The following BFSP2 variants were observed in gnomAD, a reference collection of about 807,000 sequenced individuals.
BFSP2 encodes the protein beaded filament structural protein 2, also known as phakinin.
In BFSP2, 38 loss-of-function variants were observed where a neutral mutation model predicts 44.9. That is an observed-to-expected ratio of 0.85 (90% CI 0.65 to 1.11). The LOEUF is 1.11. Ranked by LOEUF, BFSP2 falls within the 50% of genes least tolerant of loss-of-function variation. The pLI is 0.00. For synonymous variants in BFSP2, 197 were observed against 209.9 expected, an observed-to-expected ratio of 0.94 and a Z score of 0.53; for missense variants, 525 against 533.0, an observed-to-expected ratio of 0.99 and a Z score of 0.15.
chr3:133,472,585 C>T lies in BFSP2; in HGVS notation c.1244+20C>T. 1 of 1,606,852 alleles carries T rather than the reference C, an allele frequency of 6.2e-7. No homozygotes were observed. Among genetic ancestry groups the T allele is most frequent in the East Asian group, 2.2e-5 (1 of 44,790 alleles). The stretch of plus-strand genomic sequence containing the variant: ...GAGCGGGTAAGCCTCGCTTCCGCGT[C>T]AATTATCCAAGAGATGCATATTCAT... On this transcript the variant is annotated intron_variant, in intron 6 of 6. Coordinates refer to ENST00000302334, the MANE Select transcript of BFSP2 (RefSeq NM_003571.4).
rs57060416 is a variant in BFSP2 at position 133,436,325 on chromosome 3, CAAAA to C, written c.490-10974_490-10971del. On this transcript the variant is annotated intron_variant, in intron 1 of 6. Transcript: ENST00000302334. The stretch of plus-strand genomic sequence containing the variant: ...AGGGTGACAGAGAGAGACTCTGTCT[CAAAA>C]AAAAAAAAAAAAAAAAATCTATGTA... Among the ~76,000 whole-genome samples, 231 of 78,106 alleles carry C rather than the reference CAAAA, an allele frequency of 3.0e-3. 1 individual carries two copies. The highest frequency in any genetic ancestry group is 9.7e-3 in the African/African-American group (214 of 22,166). 51.2% of individuals were successfully genotyped at this position (78,106 alleles called of 152,430 possible). A position where few individuals can be genotyped will look rare whatever the true frequency, so the allele number is the denominator to read the frequency against.
chr3:133,424,224 T>TGTGTGTG lies in BFSP2; in HGVS notation c.490-23093_490-23092insGTGTGTG, dbSNP rs1553778837. ...CCGCGTCCAGCTAATTTTTTTTTTT[T>TGTGTGTG]TTTTTTTTTTTTTTTTTGTATTTTT... On this transcript the variant is annotated intron_variant, in intron 1 of 6. Transcript: ENST00000302334. Among the ~76,000 whole-genome samples the TGTGTGTG allele has an allele frequency of 2.4e-4, 31 of 126,840 alleles. No homozygotes were observed. In the East Asian group the frequency reaches 3.1e-3, roughly 13 times the overall value. The allele number at this position is 126,840 out of a possible 152,430, so 83.2% of individuals were successfully genotyped here.
chr3:133,436,130 G>A (rs9866864), intron 1 of BFSP2, among the ~76,000 whole-genome samples: 27,854 of 151,798 alleles, frequency 0.18, 2,843 homozygotes, highest in Non-Finnish European at 0.22. Context: ...TTTGGAGGCC[G>A]AGGCAGGTGG....
At chr3:133,440,952 T>C (rs2073839224) in intron 1 of BFSP2, among the ~76,000 whole-genome samples, 1 of 152,146 alleles carries the variant, frequency 6.6e-6, no homozygotes, top group Admixed American at 6.5e-5. Flanking sequence ...TGGCTGTGAC[T>C]GTGCTTGTGA....
chr3:133,467,389 C>T (rs1457771162), intron 5 of BFSP2, among the ~76,000 whole-genome samples: 2 of 152,212 alleles, frequency 1.3e-5, no homozygotes, highest in African/African-American at 4.8e-5. Flanking sequence ...TGCTATAGAG[C>T]TCTCCATAGG....
chr3:133,443,606 A>C (rs1202356555), intron 1 of BFSP2, among the ~76,000 whole-genome samples: 1 of 152,248 alleles, frequency 6.6e-6, no homozygotes, highest in African/African-American at 2.4e-5. Context: ...CTTGTTATTA[A>C]GAGCAGTATC....
intron 3 of BFSP2, 95 bp downstream of exon 3, chr3:133,448,740 T>C (rs916405063): frequency 4.7e-6 from 7 of 1,490,148 alleles, no homozygotes; most frequent in Non-Finnish European, 6.5e-6. Flanking sequence ...AGCTCATTTC[T>C]GACTCTCCAC....
At chr3:133,474,335 A>G (rs972344521) in intron 6 of BFSP2, among the ~76,000 whole-genome samples, 11 of 152,258 alleles carry the variant, frequency 7.2e-5, no homozygotes, top group African/African-American at 2.7e-4. Flanking sequence ...AGATTTGCGC[A>G]TGATCACACA....
At chr3:133,464,910 C>G (rs1309164639) in intron 4 of BFSP2, among the ~76,000 whole-genome samples, 1 of 152,002 alleles carries the variant, frequency 6.6e-6, no homozygotes, top group African/African-American at 2.4e-5. Context: ...ACTCCAAAGC[C>G]TTTAATGGTC....
At position 133,475,117 on chromosome 3, in the gene BFSP2, G is replaced by A. The variant is rs2074202097; in HGVS notation, c.*145G>A. On this transcript the variant is annotated 3_prime_UTR_variant, in exon 7 of 7. Coordinates refer to ENST00000302334, the MANE Select transcript of BFSP2 (RefSeq NM_003571.4). ...TTGAGCTGAAAAGCTTCCTGGAAGT[G>A]GAGAGGATCCTTCTGCTTTAATCTG... is the stretch of plus-strand genomic sequence containing the variant. 1.7e-6 allele frequency: 2 copies of A among 1,149,814 alleles called. No homozygotes were observed. Among genetic ancestry groups the A allele is most frequent in the Non-Finnish European group, 2.6e-6 (2 of 765,964 alleles). The allele number at this position is 1,149,814 out of a possible 1,614,324, so 71.2% of individuals were successfully genotyped here.
chr3:133,407,157 G>C (rs2073411569), intron 1 of BFSP2, among the ~76,000 whole-genome samples: 1 of 152,122 alleles, frequency 6.6e-6, no homozygotes, highest in Non-Finnish European at 1.5e-5. Context: ...TGAAGCAGGG[G>C]GATTGCTTGA....
At chr3:133,457,595 C>T (rs2074023938) in intron 4 of BFSP2, among the ~76,000 whole-genome samples, 3 of 152,080 alleles carry the variant, frequency 2.0e-5, no homozygotes, top group African/African-American at 4.8e-5. Flanking sequence ...GTATTCAGAA[C>T]ATACTGCTTT....
intron 5 of BFSP2, among the ~76,000 whole-genome samples, chr3:133,471,903 G>C (rs532648687): frequency 5.3e-5 from 8 of 152,272 alleles, no homozygotes; most frequent in Admixed American, 3.3e-4. Context: ...TGGGGTTTCA[G>C]CAGCAGAGGG....
chr3:133,418,901 A>G (rs979011656), intron 1 of BFSP2, among the ~76,000 whole-genome samples: 2 of 152,158 alleles, frequency 1.3e-5, no homozygotes, highest in African/African-American at 4.8e-5. Context: ...TCTCCATAAC[A>G]TACGGGGCTA....
chr3:133,464,926 T>TTGGGCTC (rs1189198936), intron 4 of BFSP2, among the ~76,000 whole-genome samples: 1 of 152,140 alleles, frequency 6.6e-6, no homozygotes, highest in Non-Finnish European at 1.5e-5. Context: ...TGGTCATTCT[T>TTGGGCTC]TGGGCTCTGT....
intron 1 of BFSP2, among the ~76,000 whole-genome samples, chr3:133,431,083 G>A (rs1203974289): frequency 2.6e-5 from 1 of 38,672 alleles, no homozygotes; most frequent in Admixed American, 4.1e-4. Context: ...TTCATGGTTC[G>A]TTCGGCAGCA....
chr3:133,423,032 T>C (rs1482522171), intron 1 of BFSP2, among the ~76,000 whole-genome samples: 1 of 152,206 alleles, frequency 6.6e-6, no homozygotes, highest in East Asian at 1.9e-4. Context: ...TTGAGCTTCT[T>C]TGTTACACTG....
intron 1 of BFSP2, among the ~76,000 whole-genome samples, chr3:133,446,608 AT>A (rs1448127613): frequency 1.7e-4 from 8 of 46,708 alleles, no homozygotes; most frequent in African/African-American, 7.8e-4. Flanking sequence ...ATATATATAT[AT>A]ATATATATAT....
Position 133,407,878 on chromosome 3 carries a change from T to C in BFSP2, c.489+7306T>C, listed in dbSNP as rs368970922. 8.5e-5 allele frequency among the ~76,000 whole-genome samples: 13 copies of C among 152,258 alleles called. No homozygotes were observed. In the East Asian group the frequency reaches 1.2e-3, roughly 14 times the overall value. On this transcript the variant is annotated intron_variant, in intron 1 of 6. Transcript: ENST00000302334. ...TTTCTTGCTGTACCCTAGGGTCAGT[T>C]CTAAATGTATCCTAGATATAAAATC...
Sources: allele counts gnomAD v4.1 joint callset (sites outside exome capture counted in the v4.1 genomes callset), GRCh38; gene constraint gnomAD v4.1.1; transcripts MANE v1.5; gene names NCBI Gene and HGNC (gene_info 2026-07-23, HGNC 2026-07-21).